Variants in KCNIP4 observed in about 807,000 individuals in gnomAD.
KCNIP4 encodes the protein potassium voltage-gated channel interacting protein 4.
KCNIP4 carries 12 observed loss-of-function variants against 34.0 expected under a neutral mutation model. The observed-to-expected ratio is 0.35, with a 90% CI of 0.23 to 0.57. The LOEUF is 0.57. KCNIP4 is among the 20% of genes least tolerant of loss of function. KCNIP4 has a pLI of 0.83. For missense variants in KCNIP4, 238 were observed against 311.7 expected (o/e 0.76, Z 1.78); for synonymous variants, 124 against 102.2 (o/e 1.21, Z -1.29).
chr4:21,554,580 T>C (rs1738837210), intron 1 of KCNIP4, among the ~76,000 whole-genome samples: 1 of 152,146 alleles, frequency 6.6e-6, no homozygotes, highest in African/African-American at 2.4e-5. Flanking sequence ...GTCTTTTCAT[T>C]ATCTTGTGCT....
intron 1 of KCNIP4, among the ~76,000 whole-genome samples, chr4:21,022,763 A>T (rs931968739): frequency 6.6e-5 from 10 of 152,324 alleles, no homozygotes; most frequent in African/African-American, 2.2e-4. Context: ...ATTTGTTTCA[A>T]ATGATCCTAA....
intron 1 of KCNIP4, among the ~76,000 whole-genome samples, chr4:21,586,484 G>C (rs1741626332): frequency 6.6e-6 from 1 of 151,940 alleles, no homozygotes; most frequent in Non-Finnish European, 1.5e-5. Context: ...TAGGCGTGTG[G>C]GAGCAGCAGT....
At chr4:21,891,581 G>T (rs1382729030) in intron 1 of KCNIP4, among the ~76,000 whole-genome samples, 1 of 150,752 alleles carries the variant, frequency 6.6e-6, no homozygotes, top group African/African-American at 2.4e-5. Flanking sequence ...GACTTGGAGG[G>T]AATGGAAGAC....
At chr4:21,453,789 A>G (rs1030247936) in intron 1 of KCNIP4, among the ~76,000 whole-genome samples, 3 of 152,112 alleles carry the variant, frequency 2.0e-5, no homozygotes, top group African/African-American at 4.8e-5. Flanking sequence ...CGCAATGCCC[A>G]TCTCCTTTCA....
At chr4:21,487,808 G>T (rs758390963) in intron 1 of KCNIP4, among the ~76,000 whole-genome samples, 2 of 152,098 alleles carry the variant, frequency 1.3e-5, no homozygotes, top group Non-Finnish European at 2.9e-5. Context: ...GTAGTTAGGA[G>T]CTCGTTCACT....
At chr4:21,201,770 T>C (rs1337832760) in intron 1 of KCNIP4, among the ~76,000 whole-genome samples, 1 of 152,238 alleles carries the variant, frequency 6.6e-6, no homozygotes, top group Non-Finnish European at 1.5e-5. Flanking sequence ...AATGCTGGGA[T>C]TATAGGCGTG....
At chr4:21,671,166 T>C (rs1032570104) in intron 1 of KCNIP4, among the ~76,000 whole-genome samples, 2 of 152,094 alleles carry the variant, frequency 1.3e-5, no homozygotes, top group African/African-American at 4.8e-5. Context: ...ATAAAACTGA[T>C]TTAGAAACCT....
At chr4:21,680,546 T>C (rs1750267266) in intron 1 of KCNIP4, among the ~76,000 whole-genome samples, 1 of 152,212 alleles carries the variant, frequency 6.6e-6, no homozygotes, top group Admixed American at 6.5e-5. Context: ...TTTTCCCAGA[T>C]CATCAGAGGA....
chr4:21,561,689 T>C (rs1209192821), intron 1 of KCNIP4, among the ~76,000 whole-genome samples: 1 of 151,950 alleles, frequency 6.6e-6, no homozygotes, highest in Non-Finnish European at 1.5e-5. Context: ...TTAAGGCAAT[T>C]AAATTACTTA....
intron 1 of KCNIP4, among the ~76,000 whole-genome samples, chr4:21,064,707 T>A (rs1208840122): frequency 6.6e-6 from 1 of 152,008 alleles, no homozygotes; most frequent in Non-Finnish European, 1.5e-5. Flanking sequence ...ACTTATTGAG[T>A]GCTATTCAAG....
chr4:21,018,415 G>A (rs1217234743), intron 1 of KCNIP4, among the ~76,000 whole-genome samples: 1 of 152,184 alleles, frequency 6.6e-6, no homozygotes, highest in African/African-American at 2.4e-5. Context: ...CAAGTACAAG[G>A]AGGCAATTGA....
chr4:21,655,088 G>A (rs896698957), intron 1 of KCNIP4, among the ~76,000 whole-genome samples: 4 of 151,986 alleles, frequency 2.6e-5, no homozygotes, highest in African/African-American at 4.8e-5. Context: ...CCAATAAAAC[G>A]AAAGACCCAG....
chr4:20,824,270 A>AT (rs1248229599), intron 3 of KCNIP4, among the ~76,000 whole-genome samples: 1 of 152,214 alleles, frequency 6.6e-6, no homozygotes, highest in Non-Finnish European at 1.5e-5. Flanking sequence ...GGGCAAAATT[A>AT]TTTTTGTTAT....
intron 6 of KCNIP4, among the ~76,000 whole-genome samples, chr4:20,733,814 T>C (rs745920786): frequency 6.6e-6 from 1 of 152,200 alleles, no homozygotes; most frequent in Non-Finnish European, 1.5e-5. Flanking sequence ...TGGCCCCAGG[T>C]GTCCTCTGTG....
At chr4:21,729,175 G>T (rs1037347867) in intron 1 of KCNIP4, among the ~76,000 whole-genome samples, 7 of 151,880 alleles carry the variant, frequency 4.6e-5, no homozygotes, top group African/African-American at 1.4e-4. Context: ...CAATTTTAAT[G>T]AAAAAAATAC....
chr4:20,882,481 A>C (rs776351675), intron 2 of KCNIP4, 127 bp downstream of exon 2: 254 of 681,546 alleles, frequency 3.7e-4, no homozygotes, highest in Admixed American at 9.3e-4. Flanking sequence ...TTAGGTAAAC[A>C]TGAGTACATC....
chr4:21,863,323 A>T (rs981131570), intron 1 of KCNIP4, among the ~76,000 whole-genome samples: 7 of 151,466 alleles, frequency 4.6e-5, no homozygotes, highest in Non-Finnish European at 1.0e-4. Context: ...AAATAGACAG[A>T]AAAAACTATT....
intron 1 of KCNIP4, among the ~76,000 whole-genome samples, chr4:21,154,444 G>A (rs1167829893): frequency 6.6e-6 from 1 of 152,128 alleles, no homozygotes; most frequent in Non-Finnish European, 1.5e-5. Context: ...ATCATGCCCA[G>A]CTCTTATGTT....
At chr4:21,468,819 C>A (rs79050581) in intron 1 of KCNIP4, among the ~76,000 whole-genome samples, 2,454 of 152,150 alleles carry the variant, frequency 0.016, 68 homozygotes, top group African/African-American at 0.056. Context: ...TTTTTGCTAG[C>A]GCACTTTTTT....
Sources: gnomAD v4.1 joint callset for allele counts (sites outside exome capture counted in the v4.1 genomes callset) on GRCh38, gnomAD v4.1.1 for gene constraint, MANE v1.5 for transcripts, NCBI Gene and HGNC (gene_info 2026-07-23, HGNC 2026-07-21) for gene names.